GABRG3: variants seen among roughly 807,000 people sequenced by gnomAD.
The protein encoded by GABRG3 is gamma-aminobutyric acid type A receptor subunit gamma3, also known as gamma-aminobutyric acid receptor subunit gamma-3.
Under a neutral mutation model 48.8 loss-of-function variants are expected in GABRG3, and 25 were observed. The observed-to-expected ratio is 0.51, with a 90% CI of 0.37 to 0.72. GABRG3 has a LOEUF of 0.72. Among genes scored for constraint, GABRG3 ranks in the 30% least tolerant of loss-of-function variants. GABRG3 has a pLI of 0.00. For missense variants in GABRG3, 394 were observed against 577.9 expected (o/e 0.68, Z 3.26); for synonymous variants, 227 against 217.6 (o/e 1.04, Z -0.38).
chr15:27,330,083 T>C (rs962137261), intron 5 of GABRG3, among the ~76,000 whole-genome samples: 3 of 151,910 alleles, frequency 2.0e-5, no homozygotes, highest in African/African-American at 7.3e-5. Flanking sequence ...CTACTAAAAA[T>C]ACAAAAAATT....
chr15:27,131,648 G>C (rs1897918064), intron 3 of GABRG3, among the ~76,000 whole-genome samples: 1 of 151,800 alleles, frequency 6.6e-6, no homozygotes, highest in African/African-American at 2.4e-5. Context: ...TTTTATTTTT[G>C]ATGGACATGT....
chr15:27,343,462 C>A (rs1894259767), intron 5 of GABRG3, among the ~76,000 whole-genome samples: 1 of 152,160 alleles, frequency 6.6e-6, no homozygotes, highest in Admixed American at 6.5e-5. Context: ...TTCCATGCAC[C>A]CAATCAATAT....
chr15:27,021,358 A>G (rs1895891043), intron 2 of GABRG3, among the ~76,000 whole-genome samples: 1 of 152,190 alleles, frequency 6.6e-6, no homozygotes, highest in South Asian at 2.1e-4. Context: ...GGGAAGGGTG[A>G]GGGTAAATCA....
intron 5 of GABRG3, among the ~76,000 whole-genome samples, chr15:27,374,791 A>T (rs74422945): frequency 0.011 from 1,745 of 152,266 alleles, 31 homozygotes; most frequent in African/African-American, 0.039. Flanking sequence ...TCAGTTCATT[A>T]TTGGCTGAGG....
intron 2 of GABRG3, among the ~76,000 whole-genome samples, chr15:27,002,035 T>C (rs1036856249): frequency 7.2e-5 from 11 of 152,220 alleles, no homozygotes; most frequent in Admixed American, 2.6e-4. Flanking sequence ...AAACCATTTT[T>C]ACCTGAGTCA....
chr15:27,284,130 A>G (rs942847038), intron 3 of GABRG3, among the ~76,000 whole-genome samples: 58 of 152,354 alleles, frequency 3.8e-4, no homozygotes, highest in African/African-American at 1.3e-3. Context: ...AGAGACTTAT[A>G]TTAGACTTCA....
chr15:27,423,029 G>C (rs1287935717), intron 5 of GABRG3, among the ~76,000 whole-genome samples: 1 of 152,034 alleles, frequency 6.6e-6, no homozygotes, highest in Non-Finnish European at 1.5e-5. Flanking sequence ...AGGGAAGCCA[G>C]TGTGAACCTG....
At position 27,238,779 on chromosome 15, in the gene GABRG3, G is replaced by A. The variant is rs145916258; in HGVS notation, c.271-88030G>A. Among the ~76,000 whole-genome samples, 54 of 152,298 alleles carry A rather than the reference G, an allele frequency of 3.5e-4. 1 individual carries two copies. In the East Asian group the frequency reaches 0.01, roughly 28 times the overall value. ...GTTTTCTATGACAAGGCAAAGTAAA[G>A]TTCCCTAGAGTTAGCAGTAACTTAC... On this transcript the variant is annotated intron_variant, in intron 3 of 9. Coordinates refer to ENST00000615808, the MANE Select transcript of GABRG3 (RefSeq NM_033223.5).
intron 8 of GABRG3, 116 bp downstream of exon 8, chr15:27,527,745 AG>A (rs1159402057): frequency 2.7e-6 from 3 of 1,121,026 alleles, no homozygotes; most frequent in Admixed American, 2.3e-5. Flanking sequence ...ACAAATACCC[AG>A]TTCAACAAGA....
intron 5 of GABRG3, among the ~76,000 whole-genome samples, chr15:27,395,303 A>G (rs1887266721): frequency 6.6e-6 from 1 of 152,162 alleles, no homozygotes; most frequent in African/African-American, 2.4e-5. Context: ...CAGAATGTCT[A>G]TTTGGTCCTT....
chr15:27,006,752 C>T (rs1895592398), intron 2 of GABRG3, among the ~76,000 whole-genome samples: 1 of 152,110 alleles, frequency 6.6e-6, no homozygotes, highest in South Asian at 2.1e-4. Context: ...TGAGAACATG[C>T]AGTATTTGGT....
At chr15:27,216,139 C>T (rs996911193) in intron 3 of GABRG3, among the ~76,000 whole-genome samples, 1 of 152,178 alleles carries the variant, frequency 6.6e-6, no homozygotes, top group Non-Finnish European at 1.5e-5. Context: ...AGTAGCCGTC[C>T]TGTAGATGGC....
intron 5 of GABRG3, among the ~76,000 whole-genome samples, chr15:27,452,262 C>A (rs1279025759): frequency 6.6e-6 from 1 of 152,122 alleles, no homozygotes; most frequent in Admixed American, 6.5e-5. Flanking sequence ...GAAAAGGGAA[C>A]CATTGCACAC....
At position 27,457,965 on chromosome 15, in the gene GABRG3, G is replaced by C. The variant is rs1476201223; in HGVS notation, c.575-22685G>C. On this transcript the variant is annotated intron_variant, in intron 5 of 9. Coordinates refer to ENST00000615808, the MANE Select transcript of GABRG3 (RefSeq NM_033223.5). This position sits in a 1 kb window ranked among gnomAD's most constrained non-coding sequence, Gnocchi z 4.4. ...ATTGATGTAGCTGAAAGAGGAGGCA[G>C]AAACAGCCTGTGACCATCTGCTTTT... Among the ~76,000 whole-genome samples the C allele has an allele frequency of 3.3e-5, 5 of 152,168 alleles. No homozygotes were observed. Among genetic ancestry groups the C allele is most frequent in the Non-Finnish European group, 7.3e-5 (5 of 68,036 alleles).
At chr15:26,994,996 T>A (rs1208123707) in intron 2 of GABRG3, among the ~76,000 whole-genome samples, 1 of 152,064 alleles carries the variant, frequency 6.6e-6, no homozygotes, top group Non-Finnish European at 1.5e-5. Flanking sequence ...TTTTGTTAAA[T>A]CCGTTTTCTT....
At chr15:27,351,703 A>G (rs1259150124) in intron 5 of GABRG3, among the ~76,000 whole-genome samples, 2 of 143,696 alleles carry the variant, frequency 1.4e-5, no homozygotes, top group African/African-American at 2.6e-5. Context: ...GTGTGTGTGT[A>G]TGGGGTATTT....
intron 3 of GABRG3, among the ~76,000 whole-genome samples, chr15:27,192,025 C>A (rs989731227): frequency 3.3e-5 from 5 of 151,696 alleles, no homozygotes; most frequent in African/African-American, 1.2e-4. Flanking sequence ...GTTGAAAATT[C>A]TTTTCTTTAA....
At position 27,244,740 on chromosome 15, in the gene GABRG3, G is replaced by A. The variant is rs976843202; in HGVS notation, c.271-82069G>A. ...TGAGGCTACAGTGAGCTGTGATTGT[G>A]CCACTGCCCTCCAGTCTGGCACCTG... On this transcript the variant is annotated intron_variant, in intron 3 of 9. Transcript: ENST00000615808. 2.6e-5 allele frequency among the ~76,000 whole-genome samples: 4 copies of A among 152,178 alleles called. No individual in the cohort carries two copies. In the South Asian group the frequency reaches 8.3e-4, roughly 32 times the overall value.
At chr15:27,082,556 T>C (rs1897009131) in intron 3 of GABRG3, among the ~76,000 whole-genome samples, 1 of 152,118 alleles carries the variant, frequency 6.6e-6, no homozygotes, top group African/African-American at 2.4e-5. Flanking sequence ...TAGAAGCCAC[T>C]TGGGCAAGGG....
Sources: gnomAD v4.1 joint callset for allele counts (sites outside exome capture counted in the v4.1 genomes callset) on GRCh38, gnomAD v4.1.1 for gene constraint, Gnocchi (gnomAD v3.1) non-coding constraint, MANE v1.5 for transcripts, NCBI Gene and HGNC (gene_info 2026-07-23, HGNC 2026-07-21) for gene names.